OSBPL1A: variants seen among roughly 807,000 people sequenced by gnomAD.
The protein encoded by OSBPL1A is oxysterol-binding protein-related protein 1.
Under a neutral mutation model 137.1 loss-of-function variants are expected in OSBPL1A, and 80 were observed. The observed-to-expected ratio is 0.58, with a 90% CI of 0.49 to 0.70. The LOEUF is 0.70. Among genes scored for constraint, OSBPL1A ranks in the 30% least tolerant of loss-of-function variants. The pLI is 0.00. For missense variants in OSBPL1A, 970 were observed against 1,129.4 expected (o/e 0.86, Z 2.02); for synonymous variants, 365 against 389.7 (o/e 0.94, Z 0.75).
intron 16 of OSBPL1A, among the ~76,000 whole-genome samples, chr18:24,231,047 T>C (rs137997354): frequency 2.7e-4 from 41 of 152,174 alleles, no homozygotes; most frequent in African/African-American, 9.9e-4. Flanking sequence ...GCCCAGGAGT[T>C]TGAGACTGGG....
At chr18:24,286,395 A>G (rs1041442881) in intron 14 of OSBPL1A, among the ~76,000 whole-genome samples, 3 of 152,176 alleles carry the variant, frequency 2.0e-5, no homozygotes, top group African/African-American at 4.8e-5. Flanking sequence ...CTTGAATACA[A>G]TCATCCACTG....
chr18:24,195,856 C>T (rs1241306930), intron 18 of OSBPL1A: 3 of 408,088 alleles, frequency 7.4e-6, no homozygotes, highest in Admixed American at 4.1e-5. Context: ...GTCTATGGGG[C>T]AATATAAATG....
intron 1 of OSBPL1A, among the ~76,000 whole-genome samples, chr18:24,392,781 C>G (rs1018898693): frequency 3.3e-5 from 5 of 152,156 alleles, no homozygotes; most frequent in Non-Finnish European, 7.3e-5. Flanking sequence ...GCCTCAAACT[C>G]CTGGACTCAA....
intron 16 of OSBPL1A, among the ~76,000 whole-genome samples, chr18:24,232,938 C>T (rs1362662906): frequency 6.6e-6 from 1 of 152,158 alleles, no homozygotes; most frequent in Non-Finnish European, 1.5e-5. Context: ...TGGTTTTGCC[C>T]ATCTACGCTA....
At chr18:24,347,880 ACTC>A in intron 4 of OSBPL1A, 1 of 151,122 alleles carries the variant, frequency 6.6e-6, no homozygotes, top group Non-Finnish European at 1.5e-5. Context: ...TGCTTATTGA[ACTC>A]CTAGAGACTA....
chr18:24,307,698 G>T (rs2090529262), intron 13 of OSBPL1A, among the ~76,000 whole-genome samples: 2 of 152,072 alleles, frequency 1.3e-5, no homozygotes, highest in South Asian at 4.1e-4. Flanking sequence ...CCTCATTCTT[G>T]CATGGATGTA....
At chr18:24,361,887 C>T (rs1413012276) in intron 4 of OSBPL1A, among the ~76,000 whole-genome samples, 1 of 151,388 alleles carries the variant, frequency 6.6e-6, no homozygotes, top group African/African-American at 2.4e-5. Flanking sequence ...ATTCCAGCTA[C>T]TCAGGAGGCT....
intron 18 of OSBPL1A, among the ~76,000 whole-genome samples, chr18:24,183,965 A>T (rs2086677537): frequency 6.6e-6 from 1 of 152,124 alleles, no homozygotes; most frequent in Non-Finnish European, 1.5e-5. Context: ...ACCAAGTTAA[A>T]CCCTGTGCCA....
chr18:24,259,594 G>A (rs1379887870), intron 15 of OSBPL1A, among the ~76,000 whole-genome samples: 1 of 152,092 alleles, frequency 6.6e-6, no homozygotes, highest in African/African-American at 2.4e-5. Context: ...CCTAACACCT[G>A]AAACTGCCAT....
chr18:24,190,346 GAAAAAAAAAAAAA>G (rs140195338), intron 18 of OSBPL1A, among the ~76,000 whole-genome samples: 4 of 49,174 alleles, frequency 8.1e-5, no homozygotes, highest in Non-Finnish European at 1.5e-4. Flanking sequence ...CTCTGCTACT[GAAAAAAAAAAAAA>G]AAAAAAAAAA....
intron 17 of OSBPL1A, among the ~76,000 whole-genome samples, chr18:24,204,871 G>A (rs963695951): frequency 2.6e-5 from 4 of 151,936 alleles, no homozygotes; most frequent in East Asian, 1.9e-4. Context: ...CTTCTATCTC[G>A]GTTCAAAAGA....
chr18:24,391,687 C>T (rs1050186196), intron 1 of OSBPL1A, among the ~76,000 whole-genome samples: 4 of 152,054 alleles, frequency 2.6e-5, no homozygotes, highest in Non-Finnish European at 5.9e-5. Context: ...TAAGACCATG[C>T]CACTGCACTC....
intron 15 of OSBPL1A, among the ~76,000 whole-genome samples, chr18:24,253,166 GC>G (rs757821647): frequency 0.057 from 7,239 of 126,554 alleles, 1,430 homozygotes; most frequent in Middle Eastern, 0.067. Flanking sequence ...AAAAGACATG[GC>G]GGGGGGGGGC....
At chr18:24,365,025 CAAAAAA>C (rs56400717) in intron 4 of OSBPL1A, among the ~76,000 whole-genome samples, 42 of 89,684 alleles carry the variant, frequency 4.7e-4, no homozygotes, top group South Asian at 8.0e-4. Context: ...AAAACAACAA[CAAAAAA>C]AAAAAAAAAA....
intron 15 of OSBPL1A, among the ~76,000 whole-genome samples, chr18:24,244,803 C>T (rs148292200): frequency 3.9e-4 from 59 of 152,322 alleles, no homozygotes; most frequent in African/African-American, 1.3e-3. Context: ...CATTCACCTA[C>T]GCTCTCATTC....
intron 1 of OSBPL1A, among the ~76,000 whole-genome samples, chr18:24,385,246 A>T (rs184217335): frequency 6.6e-6 from 1 of 151,864 alleles, no homozygotes; most frequent in Admixed American, 6.6e-5. Context: ...GAGCCACCGC[A>T]CCCGGCCTGT....
intron 17 of OSBPL1A, among the ~76,000 whole-genome samples, chr18:24,210,700 A>AT (rs745567308): frequency 4.0e-5 from 6 of 151,436 alleles, no homozygotes; most frequent in African/African-American, 4.8e-5. Context: ...ATACTCACCT[A>AT]TTTTTTCTTT....
chr18:24,266,603 C>T (rs1157224780), intron 15 of OSBPL1A, among the ~76,000 whole-genome samples: 2 of 152,104 alleles, frequency 1.3e-5, no homozygotes, highest in Non-Finnish European at 2.9e-5. Flanking sequence ...GCAGTGGAAA[C>T]AGGACGAGGT....
At chr18:24,209,300 C>T (rs1163084291) in intron 17 of OSBPL1A, among the ~76,000 whole-genome samples, 1 of 152,072 alleles carries the variant, frequency 6.6e-6, no homozygotes, top group Non-Finnish European at 1.5e-5. Flanking sequence ...AAAACAATGG[C>T]TAAGGAAAAC....
Sources: allele counts gnomAD v4.1 joint callset (sites outside exome capture counted in the v4.1 genomes callset), GRCh38; gene constraint gnomAD v4.1.1; transcripts MANE v1.5; gene names NCBI Gene and HGNC (gene_info 2026-07-23, HGNC 2026-07-21).